Variants in RAP1GAP2 observed in about 807,000 individuals in gnomAD.
RAP1GAP2 encodes rap1 GTPase-activating protein 2.
A neutral mutation model predicts 95.0 loss-of-function variants in RAP1GAP2; 27 were observed. That is an observed-to-expected ratio of 0.28 (90% CI 0.21 to 0.39). The LOEUF (loss-of-function observed/expected upper bound fraction) is 0.39, where lower values mean the gene tolerates loss of function less well. Among genes scored for constraint, RAP1GAP2 ranks in the 10% least tolerant of loss-of-function variants. The probability of loss-of-function intolerance (pLI) is 1.00; values close to 1 mark genes in which losing one functional copy is unlikely to be tolerated. For synonymous variants in RAP1GAP2, 373 were observed against 380.9 expected (o/e 0.98, Z 0.24); for missense variants, 771 against 970.0 (o/e 0.79, Z 2.72).
At chr17:2,879,533 C>G (rs2073213873) in intron 2 of RAP1GAP2, among the ~76,000 whole-genome samples, 1 of 149,688 alleles carries the variant, frequency 6.7e-6, no homozygotes, top group Admixed American at 6.7e-5. Context: ...CAAGACCAGC[C>G]TGGCCAGCAT....
chr17:2,881,977 C>T (rs576943207), intron 2 of RAP1GAP2, among the ~76,000 whole-genome samples: 645 of 151,966 alleles, frequency 4.2e-3, no homozygotes, highest in African/African-American at 7.6e-3. Context: ...CCTGCCACCA[C>T]GCCTGGCTAA....
At chr17:2,829,817 ATT>A (rs34423747) in intron 2 of RAP1GAP2, among the ~76,000 whole-genome samples, 9 of 130,948 alleles carry the variant, frequency 6.9e-5, no homozygotes, top group Middle Eastern at 3.6e-3. Flanking sequence ...TCTCTCTTAA[ATT>A]TTTTTTTTTT....
chr17:2,816,602 G>A (rs12944205), intron 2 of RAP1GAP2, among the ~76,000 whole-genome samples: 60,382 of 149,754 alleles, frequency 0.4, 12,709 homozygotes, highest in Non-Finnish European at 0.48. Context: ...GCCTCCCAAA[G>A]TGCTGGGATT....
intron 1 of RAP1GAP2, among the ~76,000 whole-genome samples, chr17:2,762,885 A>G (rs2071282206): frequency 6.6e-6 from 1 of 151,920 alleles, no homozygotes; most frequent in Admixed American, 6.6e-5. Context: ...CACGTTGCCC[A>G]CGCTGGTCTC....
At chr17:2,934,576 T>A (rs2043247262) in intron 3 of RAP1GAP2, among the ~76,000 whole-genome samples, 1 of 152,236 alleles carries the variant, frequency 6.6e-6, no homozygotes, top group Non-Finnish European at 1.5e-5. Flanking sequence ...CCACTGTTCT[T>A]TCTGTTACCC....
At chr17:2,981,945 G>A (rs561656352) in intron 10 of RAP1GAP2, among the ~76,000 whole-genome samples, 6 of 152,346 alleles carry the variant, frequency 3.9e-5, no homozygotes, top group Non-Finnish European at 7.3e-5. Context: ...GGGCCAGCAG[G>A]CTCTGGAGAG....
intron 2 of RAP1GAP2, among the ~76,000 whole-genome samples, chr17:2,833,923 G>A (rs557731699): frequency 6.6e-6 from 1 of 152,192 alleles, no homozygotes; most frequent in South Asian, 2.1e-4. Context: ...TCTCCTTGCT[G>A]TGGTTGCATT....
upstream of RAP1GAP2, among the ~76,000 whole-genome samples, chr17:2,775,999 C>A (rs2068490159): frequency 6.6e-6 from 1 of 152,084 alleles, no homozygotes; most frequent in African/African-American, 2.4e-5. Context: ...GCCAACATGG[C>A]GAAACCCCGT....
chr17:2,897,921 CTTTT>C (rs139128312), intron 2 of RAP1GAP2, among the ~76,000 whole-genome samples: 76 of 135,162 alleles, frequency 5.6e-4, no homozygotes, highest in Non-Finnish European at 6.0e-4. Context: ...TCTGCGGAGT[CTTTT>C]TTTTTTTTTT....
At chr17:3,028,309 G>GGATGTCTGGC (rs200013359) in intron 22 of RAP1GAP2, among the ~76,000 whole-genome samples, 4,469 of 152,118 alleles carry the variant, frequency 0.029, 213 homozygotes, top group African/African-American at 0.1. Context: ...GCTACCCCAT[G>GGATGTCTGGC]GATGTCTGGC....
At chr17:2,938,977 A>G (rs892715946) in intron 3 of RAP1GAP2, among the ~76,000 whole-genome samples, 2 of 151,992 alleles carry the variant, frequency 1.3e-5, no homozygotes, top group Non-Finnish European at 2.9e-5. Context: ...CAAGAGTGAA[A>G]CTCCGTCTCA....
Position 2,963,195 on chromosome 17 carries a change from A to G in RAP1GAP2, c.247-235A>G. On this transcript the variant is annotated intron_variant, in intron 5 of 24. Coordinates refer to ENST00000254695, the MANE Select transcript of RAP1GAP2 (RefSeq NM_015085.5). The surrounding 1 kb of genome is among the most constrained non-coding windows in gnomAD (Gnocchi z 4.8). Reference sequence around the variant, plus strand: ...TGGTATCACGAGGGGTGAGAAGTTCAGCACCTTCGGACACTGCATCATCAG... The same window carrying G: ...TGGTATCACGAGGGGTGAGAAGTTCGGCACCTTCGGACACTGCATCATCAG... 1 of 597,284 alleles carries G rather than the reference A, an allele frequency of 1.7e-6. No homozygotes were observed. Among genetic ancestry groups the G allele is most frequent in the South Asian group, 2.0e-5 (1 of 49,782 alleles). The allele number at this position is 597,284 out of a possible 1,614,324, so 37.0% of individuals were successfully genotyped here. A position where few individuals can be genotyped will look rare whatever the true frequency, so the allele number is the denominator to read the frequency against.
upstream of RAP1GAP2, among the ~76,000 whole-genome samples, chr17:2,776,811 A>T (rs1485977005): frequency 2.9e-5 from 4 of 139,482 alleles, no homozygotes; most frequent in Non-Finnish European, 4.7e-5. Context: ...GCTGCGAGGG[A>T]CCCCGCCGCC....
chr17:2,766,710 C>T (rs1235527987), intron 1 of RAP1GAP2, among the ~76,000 whole-genome samples: 7 of 152,112 alleles, frequency 4.6e-5, no homozygotes, highest in Non-Finnish European at 1.0e-4. Context: ...ATGCAATGGG[C>T]GTCTGCATGC....
intron 2 of RAP1GAP2, among the ~76,000 whole-genome samples, chr17:2,864,728 A>AG (rs961566351): frequency 6.6e-6 from 1 of 152,160 alleles, no homozygotes; most frequent in Non-Finnish European, 1.5e-5. Flanking sequence ...ATGAGAAAGG[A>AG]GGGGTCCCGG....
intron 7 of RAP1GAP2, among the ~76,000 whole-genome samples, 179 bp downstream of exon 7, chr17:2,964,247 G>A (rs1242248466): frequency 8.9e-6 from 1 of 112,584 alleles, no homozygotes; most frequent in Non-Finnish European, 1.9e-5. Flanking sequence ...AGGAGCTGCC[G>A]GGGATGGGGG....
intron 2 of RAP1GAP2, among the ~76,000 whole-genome samples, chr17:2,899,433 G>A (rs1311172263): frequency 2.0e-5 from 3 of 151,998 alleles, no homozygotes; most frequent in Non-Finnish European, 2.9e-5. Flanking sequence ...GGATGGTCTC[G>A]ATCTCCTGAC....
At chr17:2,836,604 C>T (rs1293817381) in intron 2 of RAP1GAP2, among the ~76,000 whole-genome samples, 2 of 151,990 alleles carry the variant, frequency 1.3e-5, no homozygotes, top group African/African-American at 4.8e-5. Context: ...TGCACTCCAG[C>T]CTGGGTGATA....
intron 3 of RAP1GAP2, among the ~76,000 whole-genome samples, chr17:2,941,062 T>C (rs868745024): frequency 6.6e-6 from 1 of 152,040 alleles, no homozygotes; most frequent in Non-Finnish European, 1.5e-5. Flanking sequence ...AGTGGTATAG[T>C]GGAGAGTTTT....
Sources: gnomAD v4.1 joint callset for allele counts (sites outside exome capture counted in the v4.1 genomes callset) on GRCh38, gnomAD v4.1.1 for gene constraint, Gnocchi (gnomAD v3.1) non-coding constraint, MANE v1.5 for transcripts, NCBI Gene and HGNC (gene_info 2026-07-23, HGNC 2026-07-21) for gene names.